Variants in FREM1 observed in about 807,000 individuals in gnomAD.
The protein encoded by FREM1 is FRAS1-related extracellular matrix protein 1.
FREM1 carries 220 observed loss-of-function variants against 210.1 expected under a neutral mutation model. The observed-to-expected ratio is 1.05, with a 90% confidence interval of 0.94 to 1.17. The LOEUF (loss-of-function observed/expected upper bound fraction) is 1.17. FREM1 is among the 50% of genes most tolerant of loss of function. The probability of loss-of-function intolerance (pLI) is 0.00; values close to 1 mark genes in which losing one functional copy is unlikely to be tolerated. For synonymous variants in FREM1, 1,189 were observed against 980.2 expected, an observed-to-expected ratio of 1.21 and a Z score of -3.98; for missense variants, 3,454 against 2,675.5, an observed-to-expected ratio of 1.29 and a Z score of -6.42.
intron 3 of FREM1, among the ~76,000 whole-genome samples, chr9:14,861,804 G>C (rs569613232): frequency 1.3e-5 from 2 of 152,012 alleles, no homozygotes; most frequent in Admixed American, 1.3e-4. Context: ...ACTGCGCCTG[G>C]CCCTCTTAAC....
At chr9:14,870,348 G>A (rs188488067) in intron 1 of FREM1, among the ~76,000 whole-genome samples, 1 of 152,254 alleles carries the variant, frequency 6.6e-6, no homozygotes, top group Admixed American at 6.5e-5. Flanking sequence ...AGAGCAGCCT[G>A]TTTTTTATGG....
At chr9:14,827,998 G>A (rs1253642212) in intron 10 of FREM1, among the ~76,000 whole-genome samples, 1 of 152,236 alleles carries the variant, frequency 6.6e-6, no homozygotes, top group African/African-American at 2.4e-5. Flanking sequence ...GATTTCAAGA[G>A]ATGCCTCAGA....
chr9:14,766,364 G>A (rs1462629904), intron 27 of FREM1, among the ~76,000 whole-genome samples: 2 of 152,134 alleles, frequency 1.3e-5, no homozygotes, highest in Admixed American at 1.3e-4. Context: ...GAGCTATTCT[G>A]CCTGTGTGTG....
intron 29 of FREM1, among the ~76,000 whole-genome samples, chr9:14,754,954 G>A (rs1318999049): frequency 6.6e-6 from 1 of 152,030 alleles, no homozygotes; most frequent in Non-Finnish European, 1.5e-5. Context: ...AAAGGGGCAG[G>A]GACTTTATAA....
At chr9:14,763,494 C>CA (rs1455738878) in intron 27 of FREM1, among the ~76,000 whole-genome samples, 1 of 151,700 alleles carries the variant, frequency 6.6e-6, no homozygotes, top group Non-Finnish European at 1.5e-5. Flanking sequence ...GACTCCATCT[C>CA]AAAAAAAAGA....
rs1829367647 is a variant in FREM1 at position 14,859,315 on chromosome 9, C to G, written c.499G>C (p.Ala167Pro). 9.9e-6 allele frequency: 16 copies of G among 1,613,898 alleles called. No homozygotes were observed. The highest frequency in any genetic ancestry group is 1.1e-5 in the Non-Finnish European group (13 of 1,179,854). Residue 167 changes from alanine to proline, a missense_variant, in exon 4 of 37, where the codon GCT becomes CCT. By Grantham distance (27) the Ala-to-Pro change is conservative. Coordinates refer to ENST00000380880, the MANE Select transcript of FREM1 (RefSeq NM_001379081.2). ...AGGCTGACGGTACATTCCAGGCTAGCCATCCTATCATAATCGAATCTGAGC... is the reference window on the plus strand; with the variant it reads ...AGGCTGACGGTACATTCCAGGCTAGGCATCCTATCATAATCGAATCTGAGC... ...NLLRFDYDRM[A>P]SLECTVSLDT...
rs768091023 is a variant in FREM1 at position 14,842,622 on chromosome 9, C to G, written c.1432G>C (p.Ala478Pro). The G allele has an allele frequency of 6.2e-7, 1 of 1,613,796 alleles. No individual in the cohort carries two copies. The highest frequency in any genetic ancestry group is 1.1e-5 in the South Asian group (1 of 91,082). ...TCATGATGATAGCGAACAACTCCAG[C>G]CTGGAGGTCAGCCACGGTGAAGAGA... ...GFLFTVADLQ[A>P]GVVRYHHDDS... Residue 478 changes from alanine (A) to proline (P), a missense_variant, in exon 9 of 37, where the codon GCT (alanine) becomes CCT (proline). By Grantham distance (27) the Ala-to-Pro change is conservative. Coordinates refer to ENST00000380880, the MANE Select transcript of FREM1 (RefSeq NM_001379081.2).
intron 8 of FREM1, among the ~76,000 whole-genome samples, chr9:14,843,213 C>CT (rs1366923440): frequency 6.6e-6 from 1 of 152,166 alleles, no homozygotes; most frequent in Non-Finnish European, 1.5e-5. Flanking sequence ...GCTCTTGGGC[C>CT]TTTGAACTCT....
chr9:14,775,323 G>C (rs1848357527), intron 25 of FREM1, among the ~76,000 whole-genome samples: 1 of 152,140 alleles, frequency 6.6e-6, no homozygotes, highest in South Asian at 2.1e-4. Context: ...GCACCTATGA[G>C]GGGACCATAT....
In FREM1 at chr9:14,833,285, T is replaced by C. The variant is rs12004916; in HGVS notation, c.1881+8162A>G. Among the ~76,000 whole-genome samples, 1,435 of 152,300 alleles carry C rather than the reference T, an allele frequency of 9.4e-3. 16 individuals are homozygous for C. Among genetic ancestry groups the C allele is most frequent in the African/African-American group, 0.032 (1,342 of 41,560 alleles). On this transcript the variant is annotated intron_variant, in intron 10 of 36. Transcript: ENST00000380880. ...GGCTCCTGGGCCATGGTTTCTAATC[T>C]TGTGGCTAGTTTCTTGGTCTTCCCC...
At chr9:14,863,666 C>G (rs1830982856) in intron 3 of FREM1, 143 bp downstream of exon 3, 1 of 591,702 alleles carries the variant, frequency 1.7e-6, no homozygotes, top group South Asian at 2.3e-5. Flanking sequence ...CTGATCCACT[C>G]AGGCCTCCAG....
At chr9:14,856,308 T>G (rs1828720266) in intron 5 of FREM1, among the ~76,000 whole-genome samples, 1 of 152,214 alleles carries the variant, frequency 6.6e-6, no homozygotes, top group African/African-American at 2.4e-5. Flanking sequence ...TAACTATTAT[T>G]TGGACTCAGA....
At chr9:14,850,227 G>A (rs1375194481) in intron 6 of FREM1, among the ~76,000 whole-genome samples, 6 of 152,154 alleles carry the variant, frequency 3.9e-5, no homozygotes, top group Non-Finnish European at 7.3e-5. Context: ...CAAAACAGAG[G>A]AGAGAGGTGG....
chr9:14,869,091 CCT>C lies in FREM1; in HGVS notation c.-116_-115del. ...TAGTCCAAGGGGCAGGGTGAGGGGTCCTGACAATGTGCCCCGAGATCTTAACA... is the reference window on the plus strand; with the variant it reads ...TAGTCCAAGGGGCAGGGTGAGGGGTCGACAATGTGCCCCGAGATCTTAACA... On this transcript the variant is annotated 5_prime_UTR_variant, in exon 2 of 37. It removes the in-frame stop codon of an upstream open reading frame in the 5' UTR. Transcript: ENST00000380880. The C allele has an allele frequency of 1.6e-6, 1 of 645,138 alleles. No individual in the cohort carries two copies. The highest frequency in any genetic ancestry group is 2.3e-5 in the South Asian group (1 of 42,724). 40.0% of individuals were successfully genotyped at this position (645,138 alleles called of 1,614,324 possible).
intron 4 of FREM1, 131 bp from the exon 5 acceptor site, chr9:14,857,880 A>G (rs569885182): frequency 3.7e-6 from 2 of 541,264 alleles, no homozygotes; most frequent in Admixed American, 7.1e-5. Flanking sequence ...CCTTCCAATC[A>G]TTCACTGAGT....
chr9:14,800,927 A>G (rs1179110266), intron 20 of FREM1, among the ~76,000 whole-genome samples: 2 of 152,180 alleles, frequency 1.3e-5, no homozygotes, highest in African/African-American at 4.8e-5. Context: ...AACATTGTAT[A>G]TATTTATGAT....
intron 10 of FREM1, among the ~76,000 whole-genome samples, chr9:14,828,027 A>G (rs1822808214): frequency 6.6e-6 from 1 of 152,254 alleles, no homozygotes; most frequent in African/African-American, 2.4e-5. Flanking sequence ...GGACTCAGGC[A>G]GAGAGTTGCC....
Position 14,878,440 on chromosome 9 carries a change from C to G in FREM1, c.-267-9196G>C, listed in dbSNP as rs556683424. On this transcript the variant is annotated intron_variant, in intron 1 of 36. Transcript: ENST00000380880. Reference sequence around the variant, plus strand: ...TCTCAAGTTCCCATCAAATGTCACACTTGCAGTGTGGTCACACCTAACAAC... The same window carrying G: ...TCTCAAGTTCCCATCAAATGTCACAGTTGCAGTGTGGTCACACCTAACAAC... Among the ~76,000 whole-genome samples, 4 of 152,324 alleles carry G rather than the reference C, an allele frequency of 2.6e-5. No individual in the cohort carries two copies. The East Asian group carries it at 7.7e-4, about 29-fold the overall frequency.
chr9:14,810,292 T>C (rs186120291), intron 16 of FREM1, among the ~76,000 whole-genome samples: 1 of 152,262 alleles, frequency 6.6e-6, no homozygotes, highest in East Asian at 1.9e-4. Flanking sequence ...AATTTCTCTA[T>C]AATGGAAGCA....
Sources: gnomAD v4.1 joint callset for allele counts (sites outside exome capture counted in the v4.1 genomes callset) on GRCh38, gnomAD v4.1.1 for gene constraint, MANE v1.5 for transcripts, NCBI Gene and HGNC (gene_info 2026-07-23, HGNC 2026-07-21) for gene names.